TBCD: variants seen among roughly 807,000 people sequenced by gnomAD.
TBCD encodes tubulin-specific chaperone D.
In TBCD, 105 loss-of-function variants were observed where a neutral mutation model predicts 169.3. The observed-to-expected ratio is 0.62, with a 90% CI of 0.53 to 0.73. The LOEUF is 0.73. TBCD is among the 30% of genes least tolerant of loss of function. The probability of loss-of-function intolerance (pLI) is 0.00; values close to 1 mark genes in which losing one functional copy is unlikely to be tolerated. For missense variants in TBCD, 1,444 were observed against 1,600.1 expected, an observed-to-expected ratio of 0.90 and a Z score of 1.66; for synonymous variants, 700 against 643.9, an observed-to-expected ratio of 1.09 and a Z score of -1.32.
At chr17:82,887,355 C>T (rs908579226) in intron 15 of TBCD, among the ~76,000 whole-genome samples, 3 of 152,058 alleles carry the variant, frequency 2.0e-5, no homozygotes, top group Admixed American at 6.5e-5. Flanking sequence ...GTCGGCTCTC[C>T]GTTGCCTATT....
intron 16 of TBCD, 52 bp from the exon 17 acceptor site, chr17:82,893,495 G>T: frequency 7.3e-7 from 1 of 1,378,976 alleles, no homozygotes; most frequent in Admixed American, 2.0e-5. Context: ...TTGGTGAAAT[G>T]CCTTTGTTCA....
intron 15 of TBCD, among the ~76,000 whole-genome samples, chr17:82,886,483 C>T (rs988262877): frequency 1.3e-5 from 2 of 150,834 alleles, no homozygotes; most frequent in East Asian, 1.9e-4. Context: ...GATGGGGCCC[C>T]GTTCACTCAC....
At chr17:82,856,659 C>T (rs529116722) in intron 13 of TBCD, among the ~76,000 whole-genome samples, 1 of 152,334 alleles carries the variant, frequency 6.6e-6, no homozygotes, top group African/African-American at 2.4e-5. Flanking sequence ...CTTCTGTGAA[C>T]GTTTGCGTAC....
At chr17:82,798,650 G>C (rs1475404482) in intron 8 of TBCD, among the ~76,000 whole-genome samples, 1 of 152,232 alleles carries the variant, frequency 6.6e-6, no homozygotes, top group Non-Finnish European at 1.5e-5. Context: ...GGCAAAGCCC[G>C]TGTCATGATC....
intron 13 of TBCD, among the ~76,000 whole-genome samples, chr17:82,849,820 G>A (rs554558223): frequency 6.6e-6 from 1 of 152,392 alleles, no homozygotes; most frequent in Admixed American, 6.5e-5. Context: ...GGAGAGGGCT[G>A]TGCACAATCT....
chr17:82,919,003 A>G (rs1265910517), intron 23 of TBCD, among the ~76,000 whole-genome samples: 1 of 152,236 alleles, frequency 6.6e-6, no homozygotes, highest in Non-Finnish European at 1.5e-5. Flanking sequence ...CTTACGCATA[A>G]AAACTACCAT....
chr17:82,912,591 G>C (rs986423506), intron 23 of TBCD, among the ~76,000 whole-genome samples: 1 of 150,682 alleles, frequency 6.6e-6, no homozygotes, highest in East Asian at 1.9e-4. Context: ...TGAGTGTGGA[G>C]GCACAGCTGG....
intron 3 of TBCD, 37 bp downstream of exon 3, chr17:82,764,099 T>G: frequency 6.7e-7 from 1 of 1,492,538 alleles, no homozygotes; most frequent in Non-Finnish European, 9.3e-7. Flanking sequence ...TGACAGATAC[T>G]TTTGTAATAT....
At chr17:82,774,438 A>G (rs1293523506) in intron 6 of TBCD, among the ~76,000 whole-genome samples, 1 of 152,222 alleles carries the variant, frequency 6.6e-6, no homozygotes, top group African/African-American at 2.4e-5. Flanking sequence ...CGAGTCTCCT[A>G]TGTCTACTTC....
intron 38 of TBCD, 27 bp downstream of exon 38, chr17:82,941,510 G>A (rs1361086342): frequency 1.3e-6 from 2 of 1,557,730 alleles, no homozygotes; most frequent in Non-Finnish European, 1.7e-6. Context: ...CACAGCATGA[G>A]GTGCCTGTGC....
chr17:82,909,022 G>A (rs533545688), intron 21 of TBCD, among the ~76,000 whole-genome samples: 3 of 152,342 alleles, frequency 2.0e-5, no homozygotes, highest in African/African-American at 7.2e-5. Context: ...AATGCAGGTG[G>A]CTCCAGCTCC....
chr17:82,830,480 T>TGGGTG (rs1382226411), intron 13 of TBCD: 6 of 1,613,184 alleles, frequency 3.7e-6, no homozygotes, highest in Non-Finnish European at 5.1e-6. Context: ...CCGGGGCCTG[T>TGGGTG]GGGTGGGGCC....
At chr17:82,760,822 G>C (rs1403531629) in intron 2 of TBCD, among the ~76,000 whole-genome samples, 1 of 152,150 alleles carries the variant, frequency 6.6e-6, no homozygotes, top group Non-Finnish European at 1.5e-5. Flanking sequence ...CCACTCATCT[G>C]GCTCTGGGTT....
chr17:82,859,387 C>T (rs1217762014), intron 13 of TBCD, among the ~76,000 whole-genome samples: 4 of 145,898 alleles, frequency 2.7e-5, no homozygotes, highest in Non-Finnish European at 6.0e-5. Flanking sequence ...TCTTGTGGGT[C>T]GTCTGGCCTG....
In TBCD at chr17:82,832,724, C is replaced by T; in HGVS notation, c.1318+17790C>T. On this transcript the variant is annotated intron_variant, in intron 13 of 38. Coordinates refer to ENST00000355528, the MANE Select transcript of TBCD (RefSeq NM_005993.5). This position sits in a 1 kb window ranked among gnomAD's most constrained non-coding sequence, Gnocchi z 4.9. The stretch of plus-strand genomic sequence containing the variant: ...CGGCTCGCCACAGTGCCACAGGATC[C>T]CTGAAGCAGAACCCCTGAAGGGCTG... 1.9e-6 allele frequency: 1 copy of T among 526,094 alleles called. No homozygotes were observed. The highest frequency in any genetic ancestry group is 3.4e-6 in the Non-Finnish European group (1 of 292,370). The allele number at this position is 526,094 out of a possible 1,614,324, so 32.6% of individuals were successfully genotyped here. A position where few individuals can be genotyped will look rare whatever the true frequency, so the allele number is the denominator to read the frequency against.
intron 27 of TBCD, 31 bp downstream of exon 27, chr17:82,925,088 C>T: frequency 2.0e-6 from 3 of 1,518,472 alleles, no homozygotes; most frequent in South Asian, 1.2e-5. Context: ...TGGACGGGGC[C>T]TAGGGCGAGG....
intron 13 of TBCD, among the ~76,000 whole-genome samples, chr17:82,857,555 A>G (rs951888743): frequency 1.3e-5 from 2 of 152,176 alleles, no homozygotes; most frequent in African/African-American, 4.8e-5. Context: ...ACACATGCAC[A>G]TATACAGGTG....
chr17:82,838,110 G>A (rs2054139938), intron 13 of TBCD, among the ~76,000 whole-genome samples: 1 of 152,236 alleles, frequency 6.6e-6, no homozygotes. Flanking sequence ...GCACTGGGCC[G>A]GGTGTTGGGG....
chr17:82,831,264 C>T lies in TBCD; in HGVS notation c.1318+16330C>T. On this transcript the variant is annotated intron_variant, in intron 13 of 38. Transcript: ENST00000355528. This position sits in a 1 kb window ranked among gnomAD's most constrained non-coding sequence, Gnocchi z 4.6. Reference sequence around the variant, plus strand: ...TCCCTGCGCGGGGGCTCATTTTGGACCCTTCCGTGTCTCTCTGCCCAGCCT... The same window carrying T: ...TCCCTGCGCGGGGGCTCATTTTGGATCCTTCCGTGTCTCTCTGCCCAGCCT... The T allele has an allele frequency of 2.5e-6, 4 of 1,613,848 alleles. 1 individual carries two copies. The South Asian group carries it at 4.4e-5, about 18-fold the overall frequency.
Sources: allele counts gnomAD v4.1 joint callset (sites outside exome capture counted in the v4.1 genomes callset), GRCh38; gene constraint gnomAD v4.1.1; non-coding constraint Gnocchi (gnomAD v3.1); transcripts MANE v1.5; gene names NCBI Gene and HGNC (gene_info 2026-07-23, HGNC 2026-07-21).